The following PPP1R16B variants were observed in gnomAD, a reference collection of about 807,000 sequenced individuals.
PPP1R16B encodes the protein protein phosphatase 1 regulatory subunit 16B.
In PPP1R16B, 14 loss-of-function variants were observed where a neutral mutation model predicts 61.7. The ratio of observed to expected loss-of-function variants is 0.23; its 90% CI spans 0.15 to 0.35. The LOEUF (loss-of-function observed/expected upper bound fraction) is 0.35. PPP1R16B is among the 10% of genes least tolerant of loss of function. The pLI, the probability that PPP1R16B is intolerant of heterozygous loss-of-function variation, is 1.00. For missense variants in PPP1R16B, 547 were observed against 752.5 expected (o/e 0.73, Z 3.19); for synonymous variants, 266 against 305.3 (o/e 0.87, Z 1.34).
At chr20:38,829,685 C>T (rs1479047806) in intron 1 of PPP1R16B, among the ~76,000 whole-genome samples, 1 of 152,244 alleles carries the variant, frequency 6.6e-6, no homozygotes, top group African/African-American at 2.4e-5. Context: ...CCTATTGGAG[C>T]CATGGCTGCC....
chr20:38,852,299 T>A (rs1380238814), intron 2 of PPP1R16B, among the ~76,000 whole-genome samples: 3 of 152,244 alleles, frequency 2.0e-5, no homozygotes, highest in African/African-American at 7.2e-5. Context: ...CCCAGCCAGG[T>A]CTGCCTACAA....
intron 2 of PPP1R16B, among the ~76,000 whole-genome samples, chr20:38,888,029 T>A (rs963755237): frequency 6.6e-6 from 1 of 152,170 alleles, no homozygotes; most frequent in Non-Finnish European, 1.5e-5. Context: ...GCTGACTGGG[T>A]TTTTTTGTCC....
chr20:38,872,333 G>A (rs548103158), intron 2 of PPP1R16B, among the ~76,000 whole-genome samples: 26 of 152,336 alleles, frequency 1.7e-4, no homozygotes, highest in East Asian at 5.8e-4. Flanking sequence ...GCAGACTGGC[G>A]TCTGTCTGGT....
chr20:38,859,342 G>T (rs377584960), intron 2 of PPP1R16B, among the ~76,000 whole-genome samples: 13 of 151,896 alleles, frequency 8.6e-5, no homozygotes, highest in African/African-American at 3.1e-4. Context: ...TTCTGAAATC[G>T]ATTGTGGTGG....
At chr20:38,900,289 C>G (rs962066836) in intron 4 of PPP1R16B, among the ~76,000 whole-genome samples, 1 of 152,130 alleles carries the variant, frequency 6.6e-6, no homozygotes, top group Non-Finnish European at 1.5e-5. Context: ...TATATCTGTC[C>G]CTAAGTCCCT....
chr20:38,849,299 T>G (rs1226813627), intron 2 of PPP1R16B, among the ~76,000 whole-genome samples: 2 of 152,220 alleles, frequency 1.3e-5, no homozygotes, highest in Non-Finnish European at 2.9e-5. Context: ...ATGATAAGGT[T>G]GTCTGATCAT....
intron 2 of PPP1R16B, among the ~76,000 whole-genome samples, chr20:38,864,328 G>A (rs1258227424): frequency 6.6e-6 from 1 of 152,132 alleles, no homozygotes; most frequent in Non-Finnish European, 1.5e-5. Context: ...TTTAATAGGA[G>A]AATTGTATGG....
At chr20:38,852,768 T>TTTTTTGGGGGGGG in intron 2 of PPP1R16B, among the ~76,000 whole-genome samples, 1 of 62,336 alleles carries the variant, frequency 1.6e-5, no homozygotes, top group East Asian at 5.2e-4. Context: ...TTTTTTTTTT[T>TTTTTTGGGGGGGG]GCGGGGGGTG....
At chr20:38,884,053 G>A (rs573995654) in intron 2 of PPP1R16B, among the ~76,000 whole-genome samples, 1 of 152,260 alleles carries the variant, frequency 6.6e-6, no homozygotes, top group East Asian at 1.9e-4. Context: ...ACTGAGAGAA[G>A]GTGTGGACAC....
chr20:38,896,319 T>C (rs888693007), intron 4 of PPP1R16B, among the ~76,000 whole-genome samples: 30 of 150,342 alleles, frequency 2.0e-4, no homozygotes, highest in Non-Finnish European at 4.4e-4. Flanking sequence ...CCTTCCTCTC[T>C]TTTCTCTTTT....
chr20:38,808,483 C>T (rs1469467253), intron 1 of PPP1R16B, among the ~76,000 whole-genome samples: 1 of 152,134 alleles, frequency 6.6e-6, no homozygotes, highest in South Asian at 2.1e-4. Context: ...CCTTCACTGT[C>T]CTGAGTGCAT....
intron 2 of PPP1R16B, among the ~76,000 whole-genome samples, chr20:38,844,094 A>C (rs1263013336): frequency 6.6e-6 from 1 of 152,206 alleles, no homozygotes; most frequent in Non-Finnish European, 1.5e-5. Context: ...TGGCATTTTG[A>C]ATGGTTCTTT....
intron 4 of PPP1R16B, 98 bp downstream of exon 4, chr20:38,895,808 T>TCCCTCCCTCCTTTCTTCTTTCTTC: frequency 1.8e-5 from 14 of 783,660 alleles, no homozygotes; most frequent in Middle Eastern, 4.1e-4. Context: ...CTTCTTTCTC[T>TCCCTCCCTCCTTTCTTCTTTCTTC]CCTCCCTTCC....
At chr20:38,859,410 A>C (rs550113839) in intron 2 of PPP1R16B, among the ~76,000 whole-genome samples, 78 of 152,234 alleles carry the variant, frequency 5.1e-4, no homozygotes, top group African/African-American at 1.9e-3. Context: ...CAATGACCCC[A>C]TGCCTAGGCT....
chr20:38,829,638 A>G (rs1601240654), intron 1 of PPP1R16B, among the ~76,000 whole-genome samples: 1 of 152,306 alleles, frequency 6.6e-6, no homozygotes, highest in South Asian at 2.1e-4. Context: ...AAGTGTGGAT[A>G]GGTGAGCCCA....
rs533054524 is a variant in PPP1R16B at position 38,919,287 on chromosome 20, A to G, written c.*621A>G. 1 of 152,772 alleles carries G rather than the reference A, an allele frequency of 6.5e-6. No homozygotes were observed. The highest frequency in any genetic ancestry group is 6.5e-5 in the Admixed American group (1 of 15,306). The allele number at this position is 152,772 out of a possible 1,614,324, so 9.5% of individuals were successfully genotyped here. A position where few individuals can be genotyped will look rare whatever the true frequency, so the allele number is the denominator to read the frequency against. Reference sequence around the variant, plus strand: ...GTCCTCGCTGTGTTCAGAGGGAGCCAGGAATCTACATGGGTAGATGAGATA... The same window carrying G: ...GTCCTCGCTGTGTTCAGAGGGAGCCGGGAATCTACATGGGTAGATGAGATA... On this transcript the variant is annotated 3_prime_UTR_variant, in exon 11 of 11. Coordinates refer to ENST00000299824, the MANE Select transcript of PPP1R16B (RefSeq NM_015568.4).
chr20:38,851,439 T>C (rs967306509), intron 2 of PPP1R16B, among the ~76,000 whole-genome samples: 1 of 151,840 alleles, frequency 6.6e-6, no homozygotes, highest in Admixed American at 6.6e-5. Context: ...CACTCCAGCC[T>C]GGGTGACAGA....
intron 2 of PPP1R16B, among the ~76,000 whole-genome samples, chr20:38,876,256 A>G (rs1003313092): frequency 1.5e-4 from 23 of 152,174 alleles, no homozygotes; most frequent in Admixed American, 6.5e-5. Context: ...TACAAGCATG[A>G]GCCACCACTC....
intron 2 of PPP1R16B, among the ~76,000 whole-genome samples, chr20:38,853,902 T>C (rs1356356358): frequency 6.6e-6 from 1 of 152,176 alleles, no homozygotes; most frequent in African/African-American, 2.4e-5. Context: ...CACAAGTATT[T>C]ATCCAGCCTT....
Sources: allele counts gnomAD v4.1 joint callset (sites outside exome capture counted in the v4.1 genomes callset), GRCh38; gene constraint gnomAD v4.1.1; transcripts MANE v1.5; gene names NCBI Gene and HGNC (gene_info 2026-07-23, HGNC 2026-07-21).